SPTBN1: variants seen among roughly 807,000 people sequenced by gnomAD.
SPTBN1 encodes spectrin beta chain, non-erythrocytic 1.
Under a neutral mutation model 266.4 loss-of-function variants are expected in SPTBN1, and 32 were observed. The observed-to-expected ratio is 0.12, with a 90% CI of 0.09 to 0.16. The LOEUF (loss-of-function observed/expected upper bound fraction) is 0.16. SPTBN1 is among the 10% of genes least tolerant of loss of function. SPTBN1 has a pLI of 1.00. For missense variants in SPTBN1, 2,296 were observed against 3,067.1 expected, an observed-to-expected ratio of 0.75 and a Z score of 5.94; for synonymous variants, 1,336 against 1,162.2, an observed-to-expected ratio of 1.15 and a Z score of -3.04.
chr2:54,586,677 T>C (rs183626986), intron 2 of SPTBN1, among the ~76,000 whole-genome samples: 1 of 152,338 alleles, frequency 6.6e-6, no homozygotes, highest in African/African-American at 2.4e-5. Context: ...TCCCCCTCTT[T>C]CTGGTCTTTG....
chr2:54,584,672 ATTATC>A (rs1324276648), intron 2 of SPTBN1, among the ~76,000 whole-genome samples: 1 of 152,204 alleles, frequency 6.6e-6, no homozygotes, highest in Admixed American at 6.5e-5. Flanking sequence ...ATCCAAGATT[ATTATC>A]TTTATGGAGG....
chr2:54,516,734 G>A lies in SPTBN1; in HGVS notation c.-47-9638G>A, dbSNP rs1034123242. Among the ~76,000 whole-genome samples the A allele has an allele frequency of 2.0e-5, 3 of 152,212 alleles. No homozygotes were observed. In the East Asian group the frequency reaches 5.8e-4, roughly 29 times the overall value. ...TCTGAGACAAGTCTCAGTCAATTTAGAAAGTTTATTTTGTCAAGGTTAGGG... is the reference window on the plus strand; with the variant it reads ...TCTGAGACAAGTCTCAGTCAATTTAAAAAGTTTATTTTGTCAAGGTTAGGG... On this transcript the variant is annotated intron_variant, in intron 1 of 35. Transcript: ENST00000356805.
At chr2:54,593,754 A>G (rs913646669) in intron 2 of SPTBN1, among the ~76,000 whole-genome samples, 3 of 151,726 alleles carry the variant, frequency 2.0e-5, no homozygotes, top group African/African-American at 7.3e-5. Context: ...GACCCTTTAC[A>G]AAATAAGGAC....
At chr2:54,544,497 C>T (rs933460649) in intron 2 of SPTBN1, among the ~76,000 whole-genome samples, 5 of 152,190 alleles carry the variant, frequency 3.3e-5, no homozygotes, top group African/African-American at 4.8e-5. Context: ...CTAAACTTAA[C>T]GAAAAGGTTT....
At chr2:54,482,041 GTA>G (rs1668127893) in intron 1 of SPTBN1, among the ~76,000 whole-genome samples, 1 of 152,156 alleles carries the variant, frequency 6.6e-6, no homozygotes, top group African/African-American at 2.4e-5. Context: ...GTGTGGCATA[GTA>G]CCACAGGATT....
intron 2 of SPTBN1, among the ~76,000 whole-genome samples, chr2:54,576,563 A>G (rs559765563): frequency 1.9e-4 from 29 of 152,298 alleles, no homozygotes; most frequent in African/African-American, 7.0e-4. Flanking sequence ...TATACGCTCT[A>G]GTTGATGCGC....
chr2:54,647,261 GGTGAGCGCTGCTTCATGAGT>G lies in SPTBN1; in HGVS notation c.4997+6_4997+25del. 4 of 1,613,694 alleles carry G rather than the reference GGTGAGCGCTGCTTCATGAGT, an allele frequency of 2.5e-6. No individual in the cohort carries two copies. Among genetic ancestry groups the G allele is most frequent in the Non-Finnish European group, 3.4e-6 (4 of 1,180,014 alleles). On this transcript the variant is annotated splice_donor_variant and splice_donor_5th_base_variant and intron_variant, in intron 24 of 35. Transcript: ENST00000356805. LOFTEE classifies it high-confidence loss of function. ...CTGGTGGCCGACAGCCATCCTGAAA[GGTGAGCGCTGCTTCATGAGT>G]GTGAGACCCGGCTCTCGATTCCTCT... is the stretch of plus-strand genomic sequence containing the variant.
At position 54,664,986 on chromosome 2, in the gene SPTBN1, A is replaced by C; in HGVS notation, c.6659+295A>C. 2.8e-6 allele frequency: 1 copy of C among 356,094 alleles called. No homozygotes were observed. The highest frequency in any genetic ancestry group is 4.0e-5 in the South Asian group (1 of 24,798). The allele number at this position is 356,094 out of a possible 1,614,324, so 22.1% of individuals were successfully genotyped here. A position where few individuals can be genotyped will look rare whatever the true frequency, so the allele number is the denominator to read the frequency against. On this transcript the variant is annotated intron_variant, in intron 33 of 35. Transcript: ENST00000356805. The surrounding 1 kb of genome is among the most constrained non-coding windows in gnomAD (Gnocchi z 5.6). ...TGAAGAGTCTTCTTTACTTTAAGTGATTGATTTCATTTAGGACTCCTTGTG... is the reference window on the plus strand; with the variant it reads ...TGAAGAGTCTTCTTTACTTTAAGTGCTTGATTTCATTTAGGACTCCTTGTG...
In SPTBN1 at chr2:54,558,519, T is replaced by G; in HGVS notation, c.148+31953T>G. 1 of 1,239,720 alleles carries G rather than the reference T, an allele frequency of 8.1e-7. No individual in the cohort carries two copies. The highest frequency in any genetic ancestry group is 2.6e-5 in the South Asian group (1 of 38,730). 76.8% of individuals were successfully genotyped at this position (1,239,720 alleles called of 1,614,324 possible). A position where few individuals can be genotyped will look rare whatever the true frequency, so the allele number is the denominator to read the frequency against. On this transcript the variant is annotated intron_variant, in intron 2 of 35. Coordinates refer to ENST00000356805, the MANE Select transcript of SPTBN1 (RefSeq NM_003128.3). The surrounding 1 kb of genome is among the most constrained non-coding windows in gnomAD (Gnocchi z 4.6). Reference sequence around the variant, plus strand: ...CTGCTTCTCCCTCCTCCTCAGTAATTTATTTCGAGCTTCCAGGCAAGGGCC... The same window carrying G: ...CTGCTTCTCCCTCCTCCTCAGTAATGTATTTCGAGCTTCCAGGCAAGGGCC...
chr2:54,650,824 C>T (rs1398873490), intron 26 of SPTBN1, among the ~76,000 whole-genome samples: 1 of 152,252 alleles, frequency 6.6e-6, no homozygotes, highest in Non-Finnish European at 1.5e-5. Context: ...TCCAATAAAT[C>T]TTTATTTACA....
intron 28 of SPTBN1, 91 bp from the exon 29 acceptor site, chr2:54,655,823 A>G: frequency 1.0e-6 from 1 of 952,486 alleles, no homozygotes; most frequent in Non-Finnish European, 1.6e-6. Flanking sequence ...TGGTCTTTGC[A>G]GAAAATGTAT....
intron 2 of SPTBN1, among the ~76,000 whole-genome samples, chr2:54,571,009 G>T (rs1297091742): frequency 6.6e-6 from 1 of 151,874 alleles, no homozygotes; most frequent in Non-Finnish European, 1.5e-5. Flanking sequence ...TCCTATAAAG[G>T]TTTAAACGAC....
At chr2:54,590,733 A>T (rs1675618729) in intron 2 of SPTBN1, among the ~76,000 whole-genome samples, 1 of 152,244 alleles carries the variant, frequency 6.6e-6, no homozygotes, top group Non-Finnish European at 1.5e-5. Context: ...GCATGAGAGT[A>T]AGACCTGTTA....
chr2:54,523,979 C>T (rs989986443), intron 1 of SPTBN1, among the ~76,000 whole-genome samples: 8 of 152,106 alleles, frequency 5.3e-5, no homozygotes, highest in African/African-American at 1.9e-4. Context: ...GTGGGCAGAT[C>T]ACAAGGTCTA....
chr2:54,637,552 A>G (rs1679235255), intron 17 of SPTBN1, among the ~76,000 whole-genome samples, 161 bp from the exon 18 acceptor site: 1 of 152,198 alleles, frequency 6.6e-6, no homozygotes, highest in Non-Finnish European at 1.5e-5. Flanking sequence ...CCTTTGGAGG[A>G]TGCTAAAATC....
rs532391458 is a variant in SPTBN1 at position 54,625,843 on chromosome 2, G to A, written c.1342-89G>A. On this transcript the variant is annotated intron_variant, in intron 11 of 35. Transcript: ENST00000356805. Reference sequence around the variant, plus strand: ...TGACCTCAAGTGATCTGCCCGCCTCGGCCTCCCAAAGTGCTGGGATTACAA... The same window carrying A: ...TGACCTCAAGTGATCTGCCCGCCTCAGCCTCCCAAAGTGCTGGGATTACAA... 7.7e-5 allele frequency: 110 copies of A among 1,425,000 alleles called. No individual in the cohort carries two copies. The East Asian group carries it at 2.0e-3, about 26-fold the overall frequency. 88.3% of individuals were successfully genotyped at this position (1,425,000 alleles called of 1,614,324 possible). A position where few individuals can be genotyped will look rare whatever the true frequency, so the allele number is the denominator to read the frequency against.
chr2:54,614,170 C>G (rs932489475), intron 4 of SPTBN1, among the ~76,000 whole-genome samples: 3 of 152,152 alleles, frequency 2.0e-5, no homozygotes, highest in African/African-American at 7.2e-5. Context: ...TTAAATGACT[C>G]AGCTTTCTCC....
intron 1 of SPTBN1, among the ~76,000 whole-genome samples, chr2:54,511,811 C>A (rs981840106): frequency 1.3e-5 from 2 of 151,998 alleles, no homozygotes; most frequent in African/African-American, 4.8e-5. Flanking sequence ...GTGGAGGTTG[C>A]AGTGAGCCAA....
At chr2:54,622,532 T>C in intron 9 of SPTBN1, 45 bp downstream of exon 9, 1 of 1,592,732 alleles carries the variant, frequency 6.3e-7, no homozygotes, top group Non-Finnish European at 8.6e-7. Flanking sequence ...GAAAGACACA[T>C]CACTGTAGCC....
Sources: allele counts gnomAD v4.1 joint callset (sites outside exome capture counted in the v4.1 genomes callset), GRCh38; gene constraint gnomAD v4.1.1; non-coding constraint Gnocchi (gnomAD v3.1); transcripts MANE v1.5; gene names NCBI Gene and HGNC (gene_info 2026-07-23, HGNC 2026-07-21).